Variants in PRKAR1B observed in about 807,000 individuals in gnomAD.
PRKAR1B encodes protein kinase cAMP-dependent type I regulatory subunit beta.
PRKAR1B carries 22 observed loss-of-function variants against 46.5 expected under a neutral mutation model. The ratio of observed to expected loss-of-function variants is 0.47; its 90% CI spans 0.34 to 0.68. PRKAR1B has a LOEUF of 0.68. PRKAR1B is among the 30% of genes least tolerant of loss of function. The pLI is 0.01. For missense variants in PRKAR1B, 445 were observed against 535.6 expected, an observed-to-expected ratio of 0.83 and a Z score of 1.67; for synonymous variants, 259 against 217.7, an observed-to-expected ratio of 1.19 and a Z score of -1.67.
At chr7:715,790 A>G (rs1393434971) in intron 1 of PRKAR1B, among the ~76,000 whole-genome samples, 12 of 151,386 alleles carry the variant, frequency 7.9e-5, no homozygotes, top group African/African-American at 2.2e-4. Context: ...ATCTCTGCTC[A>G]CTGCAAGCTC....
intron 9 of PRKAR1B, among the ~76,000 whole-genome samples, chr7:578,275 G>A (rs1332146260): frequency 3.9e-5 from 6 of 152,172 alleles, no homozygotes; most frequent in Admixed American, 3.9e-4. Context: ...CAGGACAGCT[G>A]CTCGGCCCAC....
At chr7:653,474 C>T (rs1457246958) in intron 4 of PRKAR1B, among the ~76,000 whole-genome samples, 1 of 152,166 alleles carries the variant, frequency 6.6e-6, no homozygotes, top group Non-Finnish European at 1.5e-5. Flanking sequence ...CTTTAGTAAA[C>T]TCTCTTTGCT....
chr7:639,033 G>A (rs1237575418), intron 4 of PRKAR1B, among the ~76,000 whole-genome samples: 8 of 152,134 alleles, frequency 5.3e-5, no homozygotes, highest in East Asian at 1.9e-4. Flanking sequence ...AGCCAAAATC[G>A]CGCCACTGTA....
intron 9 of PRKAR1B, among the ~76,000 whole-genome samples, chr7:577,152 A>AACTCCATCAACG: frequency 6.6e-6 from 1 of 152,176 alleles, no homozygotes; most frequent in Admixed American, 6.5e-5. Flanking sequence ...CAGCGGCCCC[A>AACTCCATCAACG]GCCGCATTGC....
intron 9 of PRKAR1B, among the ~76,000 whole-genome samples, chr7:558,209 C>G (rs1243324693): frequency 6.6e-6 from 1 of 150,980 alleles, no homozygotes; most frequent in Non-Finnish European, 1.5e-5. Flanking sequence ...GCCTGTGGTC[C>G]CAGCTACTCA....
chr7:583,807 C>T (rs1337234414), intron 8 of PRKAR1B, among the ~76,000 whole-genome samples: 2 of 52,916 alleles, frequency 3.8e-5, no homozygotes, highest in Admixed American at 1.5e-4. Context: ...CACATGCACA[C>T]TCATGCACAC....
chr7:601,001 T>C (rs973910299), intron 6 of PRKAR1B, among the ~76,000 whole-genome samples: 1 of 152,232 alleles, frequency 6.6e-6, no homozygotes, highest in South Asian at 2.1e-4. Context: ...CTTGGCATTT[T>C]GTCACCTGGC....
intron 4 of PRKAR1B, among the ~76,000 whole-genome samples, chr7:660,932 A>C (rs1269392158): frequency 1.6e-3 from 149 of 91,330 alleles, no homozygotes; most frequent in Middle Eastern, 8.8e-3. Flanking sequence ...CAGGTCCCCA[A>C]CCCAACGGGT....
chr7:698,135 T>C (rs951172413), intron 2 of PRKAR1B, among the ~76,000 whole-genome samples: 1 of 151,280 alleles, frequency 6.6e-6, no homozygotes, highest in Admixed American at 6.6e-5. Context: ...CAGGGCACCA[T>C]GGCTCATGCC....
intron 9 of PRKAR1B, among the ~76,000 whole-genome samples, chr7:567,803 T>C (rs996243406): frequency 2.0e-5 from 3 of 152,010 alleles, no homozygotes; most frequent in Non-Finnish European, 4.4e-5. Context: ...AGATCTCCCT[T>C]ATAGCAGGCA....
intron 4 of PRKAR1B, among the ~76,000 whole-genome samples, chr7:660,192 C>T (rs574594423): frequency 2.0e-5 from 3 of 152,098 alleles, no homozygotes; most frequent in South Asian, 2.1e-4. Flanking sequence ...CTCCATGTTC[C>T]GGGTTCTGGT....
chr7:571,849 A>T (rs1779534756), intron 9 of PRKAR1B, among the ~76,000 whole-genome samples: 1 of 152,176 alleles, frequency 6.6e-6, no homozygotes, highest in Non-Finnish European at 1.5e-5. Flanking sequence ...CGGTGAGGTG[A>T]CGGAACAGCT....
intron 6 of PRKAR1B, among the ~76,000 whole-genome samples, chr7:605,913 G>T (rs1177404733): frequency 2.6e-5 from 4 of 152,214 alleles, no homozygotes. Flanking sequence ...GCCCTGGCCA[G>T]CCCCAGCAGT....
chr7:636,436 CCGCGCCCTCACGTCCT>C (rs1784107154), intron 4 of PRKAR1B, among the ~76,000 whole-genome samples: 1 of 78,038 alleles, frequency 1.3e-5, no homozygotes, highest in Admixed American at 1.4e-4. Flanking sequence ...CCTCCACCGG[CCGCGCCCTCACGTCCT>C]CCACCGGACT....
At chr7:645,250 G>C (rs1374036337) in intron 4 of PRKAR1B, among the ~76,000 whole-genome samples, 3 of 152,308 alleles carry the variant, frequency 2.0e-5, no homozygotes, top group Admixed American at 2.0e-4. Context: ...GAGAGCCGAA[G>C]ACGCGGCAGG....
intron 4 of PRKAR1B, among the ~76,000 whole-genome samples, chr7:675,141 C>T (rs954371803): frequency 3.9e-5 from 6 of 152,236 alleles, no homozygotes; most frequent in Admixed American, 6.5e-5. Flanking sequence ...AAGCCTCCCA[C>T]GTGACCTTGG....
chr7:607,922 T>C (rs1782198617), intron 4 of PRKAR1B: 1 of 173,142 alleles, frequency 5.8e-6, no homozygotes, highest in Non-Finnish European at 1.2e-5. Flanking sequence ...GACATGTGCA[T>C]TCGGAACCTC....
intron 9 of PRKAR1B, among the ~76,000 whole-genome samples, chr7:575,433 TTCTG>T (rs1392521767): frequency 2.6e-5 from 4 of 152,342 alleles, no homozygotes; most frequent in African/African-American, 4.8e-5. Flanking sequence ...TTCCACTGCA[TTCTG>T]TCTGTCAAGT....
At position 564,497 on chromosome 7, in the gene PRKAR1B, A is replaced by G. The variant is rs535297647; in HGVS notation, c.892-13027T>C. ...CGGAGCTTTGCACTGCCTTCCAGGCAAGCCCACGTCCTCTCCACGTGGGCA... is the reference window on the plus strand; with the variant it reads ...CGGAGCTTTGCACTGCCTTCCAGGCGAGCCCACGTCCTCTCCACGTGGGCA... On this transcript the variant is annotated intron_variant, in intron 9 of 10. Coordinates refer to ENST00000537384, the MANE Select transcript of PRKAR1B (RefSeq NM_001164760.2). Among the ~76,000 whole-genome samples the G allele has an allele frequency of 2.0e-5, 3 of 152,306 alleles. No homozygotes were observed. The East Asian group carries it at 5.8e-4, about 29-fold the overall frequency.
Sources: gnomAD v4.1 joint callset for allele counts (sites outside exome capture counted in the v4.1 genomes callset) on GRCh38, gnomAD v4.1.1 for gene constraint, MANE v1.5 for transcripts, NCBI Gene and HGNC (gene_info 2026-07-23, HGNC 2026-07-21) for gene names.